The following TRAP1 variants were observed in gnomAD, a reference collection of about 807,000 sequenced individuals.
TRAP1 encodes TNF receptor associated protein 1, also known as heat shock protein 75 kDa, mitochondrial.
TRAP1 carries 102 observed loss-of-function variants against 89.1 expected under a neutral mutation model. That is an observed-to-expected ratio of 1.15 (90% confidence interval 0.98 to 1.35). The LOEUF is 1.35. Among genes scored for constraint, TRAP1 ranks in the 40% most tolerant of loss-of-function variants. The probability of loss-of-function intolerance (pLI) is 0.00; values close to 1 mark genes in which losing one functional copy is unlikely to be tolerated. For synonymous variants in TRAP1, 508 were observed against 388.0 expected (o/e 1.31, Z -3.64); for missense variants, 1,256 against 945.3 (o/e 1.33, Z -4.31).
chr16:3,713,863 G>A (rs1312419841), intron 1 of TRAP1, among the ~76,000 whole-genome samples: 2 of 152,166 alleles, frequency 1.3e-5, no homozygotes, highest in Non-Finnish European at 2.9e-5. Flanking sequence ...CACGTGGCTG[G>A]GCTCCCCACA....
At chr16:3,711,956 T>A (rs932648379) in intron 1 of TRAP1, among the ~76,000 whole-genome samples, 1 of 152,174 alleles carries the variant, frequency 6.6e-6, no homozygotes, top group Non-Finnish European at 1.5e-5. Flanking sequence ...CACTTTTTAC[T>A]TCATTTGAGT....
intron 6 of TRAP1, chr16:3,677,062 A>G (rs1263637263): frequency 2.5e-5 from 4 of 158,402 alleles, no homozygotes; most frequent in Non-Finnish European, 5.5e-5. Flanking sequence ...CCCAAAGGAA[A>G]AAAAAAAAAA....
chr16:3,702,390 C>T (rs1312032998), intron 1 of TRAP1, among the ~76,000 whole-genome samples: 1 of 151,818 alleles, frequency 6.6e-6, no homozygotes, highest in East Asian at 1.9e-4. Context: ...TGTGCTGCTT[C>T]ACAGACCTGG....
chr16:3,692,569 T>C (rs935318697), intron 1 of TRAP1, among the ~76,000 whole-genome samples: 4 of 146,974 alleles, frequency 2.7e-5, no homozygotes, highest in Admixed American at 6.8e-5. Context: ...TCAACTTTCA[T>C]ACTCCTAAAA....
intron 8 of TRAP1, 106 bp downstream of exon 8, chr16:3,675,218 C>T: frequency 1.8e-6 from 2 of 1,109,864 alleles, no homozygotes; most frequent in East Asian, 4.9e-5. Flanking sequence ...GCAGCTCGCC[C>T]TGTGACTCTG....
intron 1 of TRAP1, among the ~76,000 whole-genome samples, chr16:3,700,419 G>A (rs111747431): frequency 8.6e-5 from 13 of 150,862 alleles, no homozygotes; most frequent in Admixed American, 3.3e-4. Context: ...CGCCCACATC[G>A]GCCTCCCAAA....
At chr16:3,713,096 C>G (rs981991803) in intron 1 of TRAP1, among the ~76,000 whole-genome samples, 3 of 152,078 alleles carry the variant, frequency 2.0e-5, no homozygotes, top group African/African-American at 7.2e-5. Context: ...GTCATCTCAG[C>G]AACACAAAGA....
intron 1 of TRAP1, among the ~76,000 whole-genome samples, chr16:3,705,665 G>A (rs1376284069): frequency 6.6e-6 from 1 of 152,036 alleles, no homozygotes; most frequent in African/African-American, 2.4e-5. Context: ...TTCATCAAAT[G>A]ATGGGCAACT....
rs533348070 is a variant in TRAP1, at chr16:3,698,699, G to T, written c.89-7714C>A. Among the ~76,000 whole-genome samples, 364 of 152,088 alleles carry T rather than the reference G, an allele frequency of 2.4e-3. 5 individuals are homozygous for T. Among genetic ancestry groups the T allele is most frequent in the Non-Finnish European group, 2.3e-3 (159 of 67,998 alleles). ...AGGCCGGGGGGTCGCTTCAGCTCAG[G>T]AGTTTGAAATTAGCCTGGGTAACAT... On this transcript the variant is annotated intron_variant, in intron 1 of 17. Coordinates refer to ENST00000246957, the MANE Select transcript of TRAP1 (RefSeq NM_016292.3).
intron 1 of TRAP1, among the ~76,000 whole-genome samples, chr16:3,704,670 T>C (rs12921445): frequency 7.2e-5 from 11 of 151,980 alleles, no homozygotes; most frequent in East Asian, 1.9e-4. Context: ...CTAGGTAACA[T>C]AGGGAGACCC....
intron 16 of TRAP1, 151 bp from the exon 17 acceptor site, chr16:3,659,016 A>G (rs2042904358): frequency 6.8e-6 from 5 of 732,708 alleles, no homozygotes; most frequent in Non-Finnish European, 1.1e-5. Flanking sequence ...TTTATAGATA[A>G]TATCATTATA....
In TRAP1 at chr16:3,658,103, T is replaced by C; in HGVS notation, c.*26A>G. 1 of 1,612,084 alleles carries C rather than the reference T, an allele frequency of 6.2e-7. No homozygotes were observed. The highest frequency in any genetic ancestry group is 8.5e-7 in the Non-Finnish European group (1 of 1,178,294). On this transcript the variant is annotated 3_prime_UTR_variant, in exon 18 of 18. Transcript: ENST00000246957. Reference sequence around the variant, plus strand: ...AAGGAGGTGGGGCTGTCATCTGTGGTGTCAGTCCTTCTGGCCCCCTGGCTG... The same window carrying C: ...AAGGAGGTGGGGCTGTCATCTGTGGCGTCAGTCCTTCTGGCCCCCTGGCTG...
At chr16:3,680,121 G>A (rs1051159397) in intron 4 of TRAP1, 14 of 225,616 alleles carry the variant, frequency 6.2e-5, no homozygotes, top group Non-Finnish European at 1.0e-4. Context: ...CAGCTACTCG[G>A]AGGCTGAGGC....
chr16:3,664,005 G>A, intron 13 of TRAP1: 1 of 391,468 alleles, frequency 2.6e-6, no homozygotes, highest in Non-Finnish European at 4.6e-6. Context: ...GGAAGTTGCA[G>A]TGAGCCGAGA....
chr16:3,705,071 ATTT>A (rs906285584), intron 1 of TRAP1, among the ~76,000 whole-genome samples: 1 of 148,086 alleles, frequency 6.8e-6, no homozygotes, highest in Non-Finnish European at 1.5e-5. Flanking sequence ...ACCACAGAAC[ATTT>A]TTTTTTTTGA....
chr16:3,701,572 C>G (rs1053521196), intron 1 of TRAP1, among the ~76,000 whole-genome samples: 22 of 146,394 alleles, frequency 1.5e-4, no homozygotes, highest in African/African-American at 4.6e-4. Flanking sequence ...AAAAAAATAG[C>G]CAGACAGTCC....
chr16:3,659,801 G>C (rs903405004), intron 16 of TRAP1: 2 of 151,920 alleles, frequency 1.3e-5, no homozygotes, highest in Admixed American at 1.3e-4. Context: ...CTTCACCCAA[G>C]CTAGAGTGAA....
At chr16:3,686,576 CAA>C (rs1414961680) in intron 3 of TRAP1, among the ~76,000 whole-genome samples, 1 of 152,280 alleles carries the variant, frequency 6.6e-6, no homozygotes, top group East Asian at 1.9e-4. Context: ...CTCCGCCTCC[CAA>C]AGTGTTGGGA....
intron 1 of TRAP1, among the ~76,000 whole-genome samples, chr16:3,691,523 C>G (rs1269117406): frequency 6.6e-6 from 1 of 152,202 alleles, no homozygotes; most frequent in African/African-American, 2.4e-5. Flanking sequence ...GCCCAGCTGG[C>G]AGATGCCTGC....
Sources: allele counts gnomAD v4.1 joint callset (sites outside exome capture counted in the v4.1 genomes callset), GRCh38; gene constraint gnomAD v4.1.1; transcripts MANE v1.5; gene names NCBI Gene and HGNC (gene_info 2026-07-23, HGNC 2026-07-21).